EYS: variants seen among roughly 807,000 people sequenced by gnomAD.
The protein encoded by EYS is protein eyes shut homolog.
Under a neutral mutation model 282.1 loss-of-function variants are expected in EYS, and 250 were observed. The ratio of observed to expected loss-of-function variants is 0.89; its 90% confidence interval spans 0.80 to 0.98. The LOEUF is 0.98. Ranked by LOEUF, EYS falls within the 50% of genes least tolerant of loss-of-function variation. The pLI is 0.00. For synonymous variants in EYS, 1,355 were observed against 1,282.9 expected (o/e 1.06, Z -1.20); for missense variants, 4,016 against 3,709.0 (o/e 1.08, Z -2.15).
At chr6:65,010,072 C>G (rs1350495968) in intron 13 of EYS, among the ~76,000 whole-genome samples, 1 of 152,168 alleles carries the variant, frequency 6.6e-6, no homozygotes, top group Non-Finnish European at 1.5e-5. Flanking sequence ...AGGCCCTAAC[C>G]CAAGCCCCAG....
chr6:65,008,838 G>A (rs1321717360), intron 13 of EYS, among the ~76,000 whole-genome samples: 1 of 152,102 alleles, frequency 6.6e-6, no homozygotes, highest in African/African-American at 2.4e-5. Flanking sequence ...CTGGACACCG[G>A]TGCGGCCTTC....
intron 1 of EYS, among the ~76,000 whole-genome samples, chr6:65,659,714 T>C (rs948684852): frequency 1.3e-5 from 2 of 151,942 alleles, no homozygotes; most frequent in African/African-American, 4.8e-5. Flanking sequence ...TTTCTTTTTT[T>C]TGACACACAA....
At chr6:63,958,450 A>C (rs903339967) in intron 35 of EYS, among the ~76,000 whole-genome samples, 1 of 96,016 alleles carries the variant, frequency 1.0e-5, no homozygotes, top group African/African-American at 2.7e-5. Flanking sequence ...CACAATGTTC[A>C]TGTTGAAACT....
At chr6:65,706,923 C>T (rs1454703689) in intron 1 of EYS, among the ~76,000 whole-genome samples, 1 of 152,056 alleles carries the variant, frequency 6.6e-6, no homozygotes, top group African/African-American at 2.4e-5. Context: ...GAATATAAAG[C>T]ACATGTTGTT....
chr6:63,955,539 G>T lies in EYS; in HGVS notation c.7055+28844C>A, dbSNP rs139117053. On this transcript the variant is annotated intron_variant, in intron 35 of 42. Coordinates refer to ENST00000503581, the MANE Select transcript of EYS (RefSeq NM_001142800.2). Reference sequence around the variant, plus strand: ...CTCCACTACACTATCAATCTCACTCGCTCTCTTCTAGCTGTTTCTAATCCT... The same window carrying T: ...CTCCACTACACTATCAATCTCACTCTCTCTCTTCTAGCTGTTTCTAATCCT... Among the ~76,000 whole-genome samples, 726 of 152,010 alleles carry T rather than the reference G, an allele frequency of 4.8e-3. 8 individuals are homozygous for T. The highest frequency in any genetic ancestry group is 0.017 in the African/African-American group (689 of 41,444).
chr6:65,466,697 T>C (rs565779648), intron 5 of EYS, among the ~76,000 whole-genome samples: 2 of 152,148 alleles, frequency 1.3e-5, no homozygotes, highest in African/African-American at 2.4e-5. Flanking sequence ...ACAAACTTCA[T>C]TGAATGGCAC....
At chr6:64,650,072 G>A (rs1161030948) in intron 22 of EYS, among the ~76,000 whole-genome samples, 2 of 151,744 alleles carry the variant, frequency 1.3e-5, no homozygotes, top group African/African-American at 4.8e-5. Context: ...TATTTTCATT[G>A]GGAATTTTAG....
chr6:65,364,102 G>GT (rs999511518), intron 8 of EYS, among the ~76,000 whole-genome samples: 6 of 149,170 alleles, frequency 4.0e-5, no homozygotes, highest in African/African-American at 7.3e-5. Context: ...ACTCTTGGAT[G>GT]TTTTTTCTTA....
chr6:64,788,489 T>G (rs1774088551), intron 22 of EYS, among the ~76,000 whole-genome samples: 1 of 152,156 alleles, frequency 6.6e-6, no homozygotes, highest in Admixed American at 6.5e-5. Flanking sequence ...AGAGAAAAAC[T>G]TTTCAAAATT....
chr6:64,464,003 C>T (rs1452829852), intron 26 of EYS, among the ~76,000 whole-genome samples: 3 of 152,108 alleles, frequency 2.0e-5, no homozygotes, highest in Non-Finnish European at 4.4e-5. Flanking sequence ...GATAAAATTA[C>T]AGACCAACGT....
intron 33 of EYS, among the ~76,000 whole-genome samples, chr6:64,038,335 A>G (rs1770220939): frequency 6.6e-6 from 1 of 152,196 alleles, no homozygotes; most frequent in Non-Finnish European, 1.5e-5. Flanking sequence ...TACCATGAAA[A>G]TGATAACTGT....
chr6:64,066,397 A>G lies in EYS; in HGVS notation c.6666T>C (p.Ile2222=). 2 of 1,551,412 alleles carry G rather than the reference A, an allele frequency of 1.3e-6. No homozygotes were observed. Among genetic ancestry groups the G allele is most frequent in the Non-Finnish European group, 1.7e-6 (2 of 1,146,642 alleles). The change falls in exon 33 of 43, where the codon ATT becomes ATC. Residue 2222 remains isoleucine, a synonymous_variant. Coordinates refer to ENST00000503581, the MANE Select transcript of EYS (RefSeq NM_001142800.2). ...TGCTGTAATTAGCAGAAACAGTCAA[A>G]ATATTTTGAGAATTTCCACACCCAT... ...VKYGCGNSQN[I]LTVSANYSIN...
intron 26 of EYS, among the ~76,000 whole-genome samples, chr6:64,556,139 C>G (rs911113867): frequency 1.3e-5 from 2 of 151,842 alleles, no homozygotes; most frequent in South Asian, 4.1e-4. Flanking sequence ...TTTGTATTTA[C>G]TCATGATAAA....
chr6:64,235,086 AT>A (rs11309412), intron 30 of EYS, among the ~76,000 whole-genome samples: 46,648 of 150,272 alleles, frequency 0.31, 7,254 homozygotes, highest in East Asian at 0.5. Flanking sequence ...TTTTATTTTT[AT>A]TTTTTTTAAT....
At chr6:64,135,726 T>C (rs1774139595) in intron 31 of EYS, among the ~76,000 whole-genome samples, 1 of 152,158 alleles carries the variant, frequency 6.6e-6, no homozygotes, top group African/African-American at 2.4e-5. Context: ...AGTTTAAGTA[T>C]GCAATATAAT....
rs749735704 is a variant in EYS at position 65,078,983 on chromosome 6, G to A, written c.2024-21256C>T. ...CCTGCCATGAGCAAAAGCTTCATGCGTCCTCCCCAGAAGCCAAGCAGATGC... is the reference window on the plus strand; with the variant it reads ...CCTGCCATGAGCAAAAGCTTCATGCATCCTCCCCAGAAGCCAAGCAGATGC... On this transcript the variant is annotated intron_variant, in intron 12 of 42. Transcript: ENST00000503581. Among the ~76,000 whole-genome samples the A allele has an allele frequency of 1.3e-4, 20 of 151,608 alleles. 1 individual carries two copies. Among genetic ancestry groups the A allele is most frequent in the Admixed American group, 5.3e-4 (8 of 15,158 alleles).
At chr6:65,080,101 C>A (rs757397979) in intron 12 of EYS, among the ~76,000 whole-genome samples, 3 of 152,074 alleles carry the variant, frequency 2.0e-5, no homozygotes, top group Non-Finnish European at 4.4e-5. Flanking sequence ...TCTGTAAACT[C>A]TGTTCCCAAT....
intron 22 of EYS, among the ~76,000 whole-genome samples, chr6:64,666,059 G>C (rs1258885573): frequency 6.6e-6 from 1 of 152,130 alleles, no homozygotes; most frequent in Non-Finnish European, 1.5e-5. Flanking sequence ...CACAAAGAAG[G>C]GAACAACAGA....
At chr6:65,432,169 A>C (rs1486386078) in intron 5 of EYS, among the ~76,000 whole-genome samples, 1 of 152,170 alleles carries the variant, frequency 6.6e-6, no homozygotes, top group Non-Finnish European at 1.5e-5. Flanking sequence ...GGTAAAGATT[A>C]ATCTTTTCAT....
Sources: gnomAD v4.1 joint callset for allele counts (sites outside exome capture counted in the v4.1 genomes callset) on GRCh38, gnomAD v4.1.1 for gene constraint, MANE v1.5 for transcripts, NCBI Gene and HGNC (gene_info 2026-07-23, HGNC 2026-07-21) for gene names.